Variants in GOSR1 observed in about 807,000 individuals in gnomAD.
GOSR1 encodes the protein 28 kDa Golgi SNARE protein.
A neutral mutation model predicts 35.5 loss-of-function variants in GOSR1; 21 were observed. The ratio of observed to expected loss-of-function variants is 0.59; its 90% CI spans 0.42 to 0.85. The LOEUF (loss-of-function observed/expected upper bound fraction) is 0.85. GOSR1 is among the 40% of genes least tolerant of loss of function. GOSR1 has a pLI of 0.00. For synonymous variants in GOSR1, 94 were observed against 106.6 expected, an observed-to-expected ratio of 0.88 and a Z score of 0.73; for missense variants, 285 against 309.6, an observed-to-expected ratio of 0.92 and a Z score of 0.60.
chr17:30,520,735 C>T (rs1967998566), intron 8 of GOSR1, among the ~76,000 whole-genome samples: 1 of 152,168 alleles, frequency 6.6e-6, no homozygotes, highest in Non-Finnish European at 1.5e-5. Flanking sequence ...AGCTGAGTAT[C>T]TTGTAGTCCT....
At chr17:30,484,353 C>A in intron 3 of GOSR1, 52 bp downstream of exon 3, 2 of 957,866 alleles carry the variant, frequency 2.1e-6, no homozygotes, top group Non-Finnish European at 3.4e-6. Flanking sequence ...ATACTTGTTA[C>A]GTAGGATCCT....
Position 30,484,035 on chromosome 17 carries a change from T to A in GOSR1, c.147-179T>A, listed in dbSNP as rs878955188. On this transcript the variant is annotated intron_variant, in intron 2 of 8. Transcript: ENST00000451249. ...AAGGAAAGAAGAGAGAATGTAATGT[T>A]GAGGTTGAAGGAACCATAATTCCTT... is the stretch of plus-strand genomic sequence containing the variant. 3.9e-5 allele frequency among the ~76,000 whole-genome samples: 6 copies of A among 152,224 alleles called. No homozygotes were observed. The South Asian group carries it at 1.0e-3, about 26-fold the overall frequency.
At chr17:30,483,836 A>C (rs1914506280) in intron 2 of GOSR1, among the ~76,000 whole-genome samples, 1 of 152,260 alleles carries the variant, frequency 6.6e-6, no homozygotes, top group South Asian at 2.1e-4. Flanking sequence ...ACACAATTCT[A>C]CAAAACAAAA....
At chr17:30,496,991 ATAC>A (rs1469695567) in intron 6 of GOSR1, among the ~76,000 whole-genome samples, 1 of 152,248 alleles carries the variant, frequency 6.6e-6, no homozygotes, top group East Asian at 1.9e-4. Flanking sequence ...CATTTTAAAA[ATAC>A]CTTTGGCAGA....
At chr17:30,506,088 G>A (rs549120074) in intron 6 of GOSR1, among the ~76,000 whole-genome samples, 2 of 152,208 alleles carry the variant, frequency 1.3e-5, no homozygotes, top group East Asian at 1.9e-4. Flanking sequence ...TCCTCCTCAG[G>A]CCCCTCTCTA....
At chr17:30,491,336 A>G (rs905468155) in intron 5 of GOSR1, among the ~76,000 whole-genome samples, 1 of 152,088 alleles carries the variant, frequency 6.6e-6, no homozygotes, top group Non-Finnish European at 1.5e-5. Context: ...CTGAGTATCA[A>G]CTCTGAGTTA....
intron 6 of GOSR1, chr17:30,510,615 G>GTATCATTAAAA: frequency 4.4e-6 from 1 of 227,978 alleles, no homozygotes; most frequent in Admixed American, 5.8e-5. Context: ...TTGGGAAGCT[G>GTATCATTAAAA]AGGCAGGAGA....
intron 6 of GOSR1, among the ~76,000 whole-genome samples, chr17:30,505,019 C>A (rs1967349631): frequency 6.6e-6 from 1 of 152,132 alleles, no homozygotes. Flanking sequence ...TCTTTCTAGG[C>A]TGATACATTG....
intron 6 of GOSR1, among the ~76,000 whole-genome samples, chr17:30,506,213 A>G (rs1447739302): frequency 1.3e-5 from 2 of 152,218 alleles, no homozygotes; most frequent in Non-Finnish European, 2.9e-5. Flanking sequence ...GGCAGAAACC[A>G]CTACCTTTAG....
intron 4 of GOSR1, chr17:30,485,095 G>A: frequency 5.3e-6 from 2 of 376,076 alleles, no homozygotes; most frequent in Middle Eastern, 8.4e-4. Context: ...TAACGTGGTG[G>A]GTAAGCGTGT....
chr17:30,482,480 T>C (rs1914422268), intron 2 of GOSR1, among the ~76,000 whole-genome samples: 5 of 152,210 alleles, frequency 3.3e-5, no homozygotes, highest in African/African-American at 7.2e-5. Context: ...GCGGTGAAAT[T>C]GCTGGTAGCA....
At chr17:30,477,987 A>G (rs1336297853) in intron 1 of GOSR1, 40 of 949,644 alleles carry the variant, frequency 4.2e-5, no homozygotes, top group Non-Finnish European at 4.9e-5. Context: ...CTCCATGACA[A>G]CTACAGGTTG....
intron 6 of GOSR1, among the ~76,000 whole-genome samples, chr17:30,500,504 T>G (rs1967161960): frequency 6.6e-6 from 1 of 152,234 alleles, no homozygotes; most frequent in Non-Finnish European, 1.5e-5. Flanking sequence ...TGTTTAATCT[T>G]TTCAAAGATG....
Position 30,519,975 on chromosome 17 carries a change from G to T in GOSR1, c.576G>T (p.Gln192His), listed in dbSNP as rs1235361517. ...AMATKENMTSQRGMLKSIHSK... is the reference protein window; with the variant it reads ...AMATKENMTSHRGMLKSIHSK... ...CAACAAAAGAAAATATGACTTCACA[G>T]AGAGGAATGTTGAAGTCAATTCACA... The change falls in exon 8 of 9, where the codon CAG (glutamine) becomes CAT (histidine). Residue 192 changes from glutamine (Q) to histidine (H), a missense_variant. Physicochemically the swap from Gln to His is conservative, Grantham distance 24. Around this residue, in one of 3 missense-constraint regions of GOSR1, gnomAD observed 168 missense variants for 183.2 expected, o/e 0.92. Coordinates refer to ENST00000451249, the MANE Select transcript of GOSR1 (RefSeq NM_001007025.2). 1 of 1,610,360 alleles carries T rather than the reference G, an allele frequency of 6.2e-7. No individual in the cohort carries two copies. Among genetic ancestry groups the T allele is most frequent in the Non-Finnish European group, 8.5e-7 (1 of 1,177,042 alleles).
chr17:30,480,214 G>C (rs1914244440), intron 1 of GOSR1: 2 of 151,880 alleles, frequency 1.3e-5, no homozygotes, highest in African/African-American at 4.8e-5. Flanking sequence ...GGTAGTTGAG[G>C]CATGAGAGTT....
At chr17:30,519,259 C>T (rs1967936077) in intron 7 of GOSR1, among the ~76,000 whole-genome samples, 1 of 152,054 alleles carries the variant, frequency 6.6e-6, no homozygotes, top group South Asian at 2.1e-4. Flanking sequence ...CACCACATTG[C>T]CCAGGATGGT....
intron 7 of GOSR1, among the ~76,000 whole-genome samples, chr17:30,513,353 A>G (rs1016764395): frequency 9.2e-5 from 14 of 152,232 alleles, no homozygotes; most frequent in African/African-American, 3.4e-4. Flanking sequence ...AAGCATATCA[A>G]TGATTTATCA....
chr17:30,486,129 C>A (rs907560144), intron 4 of GOSR1, among the ~76,000 whole-genome samples: 1 of 151,886 alleles, frequency 6.6e-6, no homozygotes, highest in African/African-American at 2.4e-5. Flanking sequence ...AAAAACATTC[C>A]CATTGTATGA....
At chr17:30,517,005 G>A (rs556875392) in intron 7 of GOSR1, among the ~76,000 whole-genome samples, 2 of 152,314 alleles carry the variant, frequency 1.3e-5, no homozygotes, top group South Asian at 2.1e-4. Flanking sequence ...ATGAGCCACC[G>A]CGCCTAGCCC....
Sources: gnomAD v4.1 joint callset for allele counts (sites outside exome capture counted in the v4.1 genomes callset) on GRCh38, gnomAD v4.1.1 for gene constraint, gnomAD v4.1.1 regional missense constraint, MANE v1.5 for transcripts, NCBI Gene and HGNC (gene_info 2026-07-23, HGNC 2026-07-21) for gene names.